NEGR1: variants seen among roughly 807,000 people sequenced by gnomAD.
NEGR1 encodes the protein neuronal growth regulator 1.
In NEGR1, 10 loss-of-function variants were observed where a neutral mutation model predicts 40.9. The observed-to-expected ratio is 0.24, with a 90% CI of 0.15 to 0.42. NEGR1 has a LOEUF of 0.42. Among genes scored for constraint, NEGR1 ranks in the 10% least tolerant of loss-of-function variants. The pLI is 1.00. For missense variants in NEGR1, 352 were observed against 438.9 expected, an observed-to-expected ratio of 0.80 and a Z score of 1.77; for synonymous variants, 185 against 166.8, an observed-to-expected ratio of 1.11 and a Z score of -0.84.
chr1:71,572,944 G>C (rs115644805), intron 6 of NEGR1, among the ~76,000 whole-genome samples: 2 of 152,266 alleles, frequency 1.3e-5, no homozygotes, highest in South Asian at 2.1e-4. Flanking sequence ...GTGAAGACTG[G>C]CAAGGAAAGT....
chr1:71,527,596 T>C (rs1423261775), intron 6 of NEGR1, among the ~76,000 whole-genome samples: 4 of 151,548 alleles, frequency 2.6e-5, no homozygotes, highest in African/African-American at 9.7e-5. Flanking sequence ...CCCGAATGAG[T>C]TTTATTAGAG....
At chr1:71,778,656 C>A (rs192190673) in intron 2 of NEGR1, among the ~76,000 whole-genome samples, 2 of 152,012 alleles carry the variant, frequency 1.3e-5, no homozygotes, top group African/African-American at 4.8e-5. Flanking sequence ...CTCTTAGTCT[C>A]GCCTAGCGAC....
At chr1:72,073,887 C>A (rs1647590670) in intron 1 of NEGR1, among the ~76,000 whole-genome samples, 1 of 151,244 alleles carries the variant, frequency 6.6e-6, no homozygotes, top group African/African-American at 2.4e-5. Context: ...TGATACTGAG[C>A]CAAAAGAAAG....
chr1:71,914,361 T>C (rs1188566341), intron 2 of NEGR1, among the ~76,000 whole-genome samples: 1 of 152,188 alleles, frequency 6.6e-6, no homozygotes, highest in Non-Finnish European at 1.5e-5. Flanking sequence ...ACTTAACCTT[T>C]TTGGATTTTT....
At chr1:72,158,322 A>G (rs1204678216) in intron 1 of NEGR1, among the ~76,000 whole-genome samples, 1 of 152,204 alleles carries the variant, frequency 6.6e-6, no homozygotes, top group African/African-American at 2.4e-5. Context: ...TACAGAAAGT[A>G]GGATATTCTA....
At chr1:71,679,191 T>C (rs114060733) in intron 4 of NEGR1, among the ~76,000 whole-genome samples, 211 of 152,298 alleles carry the variant, frequency 1.4e-3, no homozygotes, top group African/African-American at 4.8e-3. Context: ...TGTCTATCCA[T>C]GCTTCTTTAG....
At chr1:71,988,505 G>C (rs1269501143) in intron 1 of NEGR1, among the ~76,000 whole-genome samples, 52 of 130,326 alleles carry the variant, frequency 4.0e-4, no homozygotes, top group Non-Finnish European at 7.2e-4. Flanking sequence ...CGCCACTGCA[G>C]TCCGCAGTCC....
chr1:71,478,248 G>T (rs1646834410), intron 6 of NEGR1, among the ~76,000 whole-genome samples: 1 of 151,940 alleles, frequency 6.6e-6, no homozygotes, highest in Admixed American at 6.6e-5. Flanking sequence ...GCTAAACATA[G>T]TATTCTCTTG....
At chr1:72,191,958 G>A (rs562663733) in intron 1 of NEGR1, among the ~76,000 whole-genome samples, 3 of 151,936 alleles carry the variant, frequency 2.0e-5, no homozygotes, top group East Asian at 1.9e-4. Context: ...AATTCTCCCC[G>A]AAGATCTCTA....
intron 4 of NEGR1, among the ~76,000 whole-genome samples, chr1:71,664,565 G>A (rs905211646): frequency 2.6e-5 from 4 of 151,976 alleles, no homozygotes; most frequent in African/African-American, 9.7e-5. Context: ...AGAAGGGAGG[G>A]AGATGAGTGT....
chr1:71,826,597 C>G (rs1658634226), intron 2 of NEGR1, among the ~76,000 whole-genome samples: 1 of 151,520 alleles, frequency 6.6e-6, no homozygotes, highest in Non-Finnish European at 1.5e-5. Context: ...TATATGCGAG[C>G]CTATGGAAGT....
chr1:71,941,282 G>A (rs61765312), intron 1 of NEGR1, among the ~76,000 whole-genome samples: 17,952 of 152,070 alleles, frequency 0.12, 1,155 homozygotes, highest in Middle Eastern at 0.21. Context: ...TAAGGCAAGT[G>A]AAGCAGAGAT....
At chr1:72,067,425 CA>C (rs1416206901) in intron 1 of NEGR1, among the ~76,000 whole-genome samples, 4 of 152,124 alleles carry the variant, frequency 2.6e-5, no homozygotes, top group Admixed American at 2.6e-4. Flanking sequence ...AGATAAAATG[CA>C]TATTCTAACA....
At chr1:71,904,542 T>G (rs1391177134) in intron 2 of NEGR1, among the ~76,000 whole-genome samples, 2 of 152,116 alleles carry the variant, frequency 1.3e-5, no homozygotes, top group Non-Finnish European at 2.9e-5. Flanking sequence ...TTTATCTCTA[T>G]TTGTCATCCA....
At chr1:72,195,329 C>T (rs1652962699) in intron 1 of NEGR1, among the ~76,000 whole-genome samples, 1 of 151,974 alleles carries the variant, frequency 6.6e-6, no homozygotes, top group African/African-American at 2.4e-5. Context: ...ATGGGCCGTA[C>T]ATAGTTCAAA....
chr1:72,266,732 C>T (rs1221921424), intron 1 of NEGR1, among the ~76,000 whole-genome samples: 1 of 143,904 alleles, frequency 6.9e-6, no homozygotes, highest in East Asian at 2.0e-4. Context: ...TAAACACACA[C>T]ACACACACAC....
intron 1 of NEGR1, among the ~76,000 whole-genome samples, chr1:72,090,039 T>C (rs184819564): frequency 4.6e-5 from 7 of 152,262 alleles, no homozygotes; most frequent in Admixed American, 4.6e-4. Flanking sequence ...TTTTAGTCTT[T>C]GTCAAAAAAA....
At chr1:71,408,225 A>G (rs1646291228) in intron 6 of NEGR1, among the ~76,000 whole-genome samples, 1 of 152,042 alleles carries the variant, frequency 6.6e-6, no homozygotes. Context: ...AGGACAGAGC[A>G]AGGTGTGTCG....
At chr1:71,898,162 G>T (rs1056698025) in intron 2 of NEGR1, among the ~76,000 whole-genome samples, 1 of 152,130 alleles carries the variant, frequency 6.6e-6, no homozygotes, top group South Asian at 2.1e-4. Flanking sequence ...TGACATTACT[G>T]AAGTCAGTCT....
Sources: allele counts gnomAD v4.1 joint callset (sites outside exome capture counted in the v4.1 genomes callset), GRCh38; gene constraint gnomAD v4.1.1; transcripts MANE v1.5; gene names NCBI Gene and HGNC (gene_info 2026-07-23, HGNC 2026-07-21).